CNTNAP2: variants seen among roughly 807,000 people sequenced by gnomAD.
CNTNAP2 encodes contactin associated protein 2, also known as contactin-associated protein-like 2.
CNTNAP2 carries 98 observed loss-of-function variants against 155.2 expected under a neutral mutation model. The observed-to-expected ratio is 0.63, with a 90% CI of 0.54 to 0.75. The LOEUF is 0.75. Among genes scored for constraint, CNTNAP2 ranks in the 30% least tolerant of loss-of-function variants. The pLI, the probability that CNTNAP2 is intolerant of heterozygous loss-of-function variation, is 0.00. For synonymous variants in CNTNAP2, 651 were observed against 631.2 expected (o/e 1.03, Z -0.47); for missense variants, 1,727 against 1,688.1 (o/e 1.02, Z -0.40).
intron 16 of CNTNAP2, among the ~76,000 whole-genome samples, chr7:148,143,837 G>C (rs1396053899): frequency 6.6e-6 from 1 of 152,136 alleles, no homozygotes; most frequent in East Asian, 1.9e-4. Flanking sequence ...GGGCAGAAAA[G>C]GGACTGTCTT....
At chr7:147,489,071 GC>G (rs1267872760) in intron 11 of CNTNAP2, among the ~76,000 whole-genome samples, 1 of 152,190 alleles carries the variant, frequency 6.6e-6, no homozygotes, top group African/African-American at 2.4e-5. Context: ...TACATTGTTT[GC>G]TATCACTTTT....
At chr7:148,050,908 A>G (rs1444994589) in intron 15 of CNTNAP2, among the ~76,000 whole-genome samples, 2 of 152,252 alleles carry the variant, frequency 1.3e-5, no homozygotes, top group African/African-American at 4.8e-5. Context: ...GCAACGGGCC[A>G]TAGCATATAG....
At chr7:148,066,327 A>C (rs572600662) in intron 15 of CNTNAP2, among the ~76,000 whole-genome samples, 19 of 152,192 alleles carry the variant, frequency 1.2e-4, no homozygotes, top group African/African-American at 4.3e-4. Flanking sequence ...GGATGTCTAG[A>C]TCTCTAACAA....
At chr7:146,952,179 A>G (rs1302995968) in intron 3 of CNTNAP2, among the ~76,000 whole-genome samples, 1 of 152,226 alleles carries the variant, frequency 6.6e-6, no homozygotes, top group East Asian at 1.9e-4. Flanking sequence ...GAGAAAAGCT[A>G]CATGATAATC....
chr7:147,649,539 A>C (rs1323149733), intron 13 of CNTNAP2, among the ~76,000 whole-genome samples: 2 of 152,184 alleles, frequency 1.3e-5, no homozygotes, highest in African/African-American at 4.8e-5. Flanking sequence ...AATGAGAGCA[A>C]CTTAGAAATT....
At chr7:146,189,014 A>T (rs1193906556) in intron 1 of CNTNAP2, among the ~76,000 whole-genome samples, 2 of 152,220 alleles carry the variant, frequency 1.3e-5, no homozygotes, top group Admixed American at 6.5e-5. Flanking sequence ...ATGATGTGTT[A>T]TAGTAATTAT....
chr7:147,260,848 C>T (rs1435300093), intron 8 of CNTNAP2, among the ~76,000 whole-genome samples: 1 of 152,154 alleles, frequency 6.6e-6, no homozygotes, highest in Non-Finnish European at 1.5e-5. Flanking sequence ...GTTCCTGGAC[C>T]AGCTGCATCA....
intron 4 of CNTNAP2, among the ~76,000 whole-genome samples, chr7:147,055,323 C>T (rs113242369): frequency 3.2e-4 from 49 of 152,274 alleles, no homozygotes; most frequent in African/African-American, 8.7e-4. Flanking sequence ...AATGCTTCTG[C>T]GTGAGGCAAT....
At chr7:146,228,761 T>G (rs761433286) in intron 1 of CNTNAP2, among the ~76,000 whole-genome samples, 2 of 152,216 alleles carry the variant, frequency 1.3e-5, no homozygotes, top group Non-Finnish European at 2.9e-5. Context: ...TACAGCATTT[T>G]AATGATTCTT....
At chr7:147,044,128 A>G in intron 4 of CNTNAP2, 74 bp downstream of exon 4, 4 of 1,544,688 alleles carry the variant, frequency 2.6e-6, no homozygotes, top group Non-Finnish European at 3.6e-6. Flanking sequence ...ATTTTAAATT[A>G]TTTAACATTA....
chr7:146,765,542 T>C (rs1296441615), intron 1 of CNTNAP2, among the ~76,000 whole-genome samples: 2 of 152,140 alleles, frequency 1.3e-5, no homozygotes, highest in African/African-American at 2.4e-5. Context: ...CTCTGCAAGG[T>C]TGTGTTATGC....
chr7:146,131,705 A>G (rs547885857), intron 1 of CNTNAP2, among the ~76,000 whole-genome samples: 1 of 152,296 alleles, frequency 6.6e-6, no homozygotes. Flanking sequence ...ATTTGACATA[A>G]AATAAACAAT....
chr7:146,749,265 C>T (rs886658118), intron 1 of CNTNAP2, among the ~76,000 whole-genome samples: 7 of 151,864 alleles, frequency 4.6e-5, no homozygotes, highest in African/African-American at 1.7e-4. Context: ...GTATGTGTAT[C>T]TTTACTAAAC....
intron 13 of CNTNAP2, among the ~76,000 whole-genome samples, chr7:147,752,671 G>A (rs1797154073): frequency 6.6e-6 from 1 of 152,148 alleles, no homozygotes; most frequent in East Asian, 1.9e-4. Flanking sequence ...TAATTAAACT[G>A]GTCGCTGAGG....
At chr7:146,905,737 A>C (rs900036137) in intron 3 of CNTNAP2, among the ~76,000 whole-genome samples, 1 of 152,234 alleles carries the variant, frequency 6.6e-6, no homozygotes, top group African/African-American at 2.4e-5. Flanking sequence ...TATTAGCAGA[A>C]TGAAACCTAT....
At chr7:148,183,212 A>C (rs1187428639) in intron 18 of CNTNAP2, among the ~76,000 whole-genome samples, 1 of 152,178 alleles carries the variant, frequency 6.6e-6, no homozygotes, top group Non-Finnish European at 1.5e-5. Flanking sequence ...CAGAAGGCCG[A>C]GTGAGAGACC....
intron 17 of CNTNAP2, among the ~76,000 whole-genome samples, chr7:148,159,122 T>A (rs76501298): frequency 0.03 from 4,552 of 152,270 alleles, 93 homozygotes; most frequent in Middle Eastern, 0.078. Context: ...TGGTTTCTGC[T>A]CCTTCGTGTT....
intron 3 of CNTNAP2, among the ~76,000 whole-genome samples, chr7:146,842,128 C>T (rs2129201096): frequency 6.6e-6 from 1 of 152,208 alleles, no homozygotes. Flanking sequence ...CTCAGGTGAT[C>T]TACTTGCCTT....
intron 14 of CNTNAP2, among the ~76,000 whole-genome samples, chr7:147,933,056 G>GGTTTGTTT (rs71527856): frequency 4.0e-4 from 58 of 145,280 alleles, no homozygotes; most frequent in African/African-American, 1.2e-3. Context: ...TATTTGAGGG[G>GGTTTGTTT]GTTTGTTTGT....
Sources: gnomAD v4.1 joint callset for allele counts (sites outside exome capture counted in the v4.1 genomes callset) on GRCh38, gnomAD v4.1.1 for gene constraint, MANE v1.5 for transcripts, NCBI Gene and HGNC (gene_info 2026-07-23, HGNC 2026-07-21) for gene names.